ADAMTSL1: variants seen among roughly 807,000 people sequenced by gnomAD.
ADAMTSL1 encodes the protein ADAMTS-like protein 1.
In ADAMTSL1, 126 loss-of-function variants were observed where a neutral mutation model predicts 201.8. The observed-to-expected ratio is 0.62, with a 90% CI of 0.54 to 0.72. The LOEUF is 0.72. Ranked by LOEUF, ADAMTSL1 falls within the 30% of genes least tolerant of loss-of-function variation. The pLI, the probability that ADAMTSL1 is intolerant of heterozygous loss-of-function variation, is 0.00. For missense variants in ADAMTSL1, 2,679 were observed against 2,277.8 expected (o/e 1.18, Z -3.59); for synonymous variants, 1,121 against 903.4 (o/e 1.24, Z -4.32).
At chr9:18,325,985 C>T (rs1212485958) in intron 2 of ADAMTSL1, among the ~76,000 whole-genome samples, 1 of 152,150 alleles carries the variant, frequency 6.6e-6, no homozygotes, top group Admixed American at 6.5e-5. Flanking sequence ...AGGTGATCCA[C>T]CCACCTTGGG....
chr9:18,564,382 A>G (rs1056333542), intron 3 of ADAMTSL1, among the ~76,000 whole-genome samples: 1 of 152,008 alleles, frequency 6.6e-6, no homozygotes, highest in Non-Finnish European at 1.5e-5. Flanking sequence ...GGGGTACCTC[A>G]GTTGGAAATG....
intron 1 of ADAMTSL1, among the ~76,000 whole-genome samples, chr9:18,001,074 T>A (rs780170987): frequency 6.6e-6 from 1 of 151,820 alleles, no homozygotes; most frequent in Non-Finnish European, 1.5e-5. Flanking sequence ...AAAAAATGAA[T>A]GGGAATCAGG....
intron 2 of ADAMTSL1, among the ~76,000 whole-genome samples, chr9:18,225,167 A>G (rs144253754): frequency 1.3e-3 from 195 of 152,306 alleles, no homozygotes; most frequent in African/African-American, 4.6e-3. Context: ...TTAACCTCTC[A>G]AAAGCATTTT....
chr9:18,633,223 A>G (rs1025129478), intron 5 of ADAMTSL1, among the ~76,000 whole-genome samples: 3 of 152,168 alleles, frequency 2.0e-5, no homozygotes, highest in Non-Finnish European at 4.4e-5. Flanking sequence ...AGAAAGTCCC[A>G]TTGTTTTAAC....
At chr9:18,327,822 A>G (rs766536589) in intron 2 of ADAMTSL1, among the ~76,000 whole-genome samples, 1 of 152,246 alleles carries the variant, frequency 6.6e-6, no homozygotes, top group African/African-American at 2.4e-5. Flanking sequence ...AATGTTAGGC[A>G]GAAATATAGC....
chr9:18,570,985 A>T (rs1822259975), intron 3 of ADAMTSL1, among the ~76,000 whole-genome samples: 1 of 152,214 alleles, frequency 6.6e-6, no homozygotes, highest in South Asian at 2.1e-4. Context: ...AGATGTGTCT[A>T]AATGTGTTTA....
intron 26 of ADAMTSL1, among the ~76,000 whole-genome samples, chr9:18,904,482 A>G (rs1398849804): frequency 6.7e-6 from 1 of 149,526 alleles, no homozygotes; most frequent in African/African-American, 2.4e-5. Context: ...AGAAAAAAAA[A>G]GTTATTTTTA....
At chr9:18,444,215 A>G (rs1451184342) in intron 2 of ADAMTSL1, among the ~76,000 whole-genome samples, 2 of 152,190 alleles carry the variant, frequency 1.3e-5, no homozygotes, top group Non-Finnish European at 2.9e-5. Context: ...GTGAATGAGA[A>G]AAGAAAAAAT....
At chr9:18,354,224 G>C (rs1836109092) in intron 2 of ADAMTSL1, among the ~76,000 whole-genome samples, 1 of 151,492 alleles carries the variant, frequency 6.6e-6, no homozygotes. Flanking sequence ...TTGTATAAAT[G>C]TACCATAATT....
At chr9:18,583,585 C>T (rs1318239044) in intron 4 of ADAMTSL1, among the ~76,000 whole-genome samples, 1 of 152,200 alleles carries the variant, frequency 6.6e-6, no homozygotes, top group African/African-American at 2.4e-5. Flanking sequence ...GGGCCACCAT[C>T]CTCCAGACGC....
At chr9:18,657,586 C>A (rs1445757512) in intron 7 of ADAMTSL1, 53 bp from the exon 8 acceptor site, 17 of 1,391,730 alleles carry the variant, frequency 1.2e-5, no homozygotes, top group Non-Finnish European at 1.7e-5. Flanking sequence ...CTGCAAGGGA[C>A]CAGAAAGCAC....
Position 18,910,472 on chromosome 9 carries a change from G to A in ADAMTSL1, c.*1924G>A, listed in dbSNP as rs1830541417. 1.3e-5 allele frequency: 2 copies of A among 152,138 alleles called. No homozygotes were observed. Among genetic ancestry groups the A allele is most frequent in the Non-Finnish European group, 2.9e-5 (2 of 68,028 alleles). The allele number at this position is 152,138 out of a possible 1,614,324, so 9.4% of individuals were successfully genotyped here. On this transcript the variant is annotated 3_prime_UTR_variant, in exon 29 of 29. Coordinates refer to ENST00000380548, the MANE Select transcript of ADAMTSL1 (RefSeq NM_001040272.6). ...TATTATATTTTTCCTATTTTTAATAGAACCTGGTGTTTAACTCTGGATCCA... is the reference window on the plus strand; with the variant it reads ...TATTATATTTTTCCTATTTTTAATAAAACCTGGTGTTTAACTCTGGATCCA...
intron 14 of ADAMTSL1, among the ~76,000 whole-genome samples, chr9:18,710,229 T>G (rs1177666013): frequency 2.6e-5 from 4 of 152,200 alleles, no homozygotes; most frequent in Admixed American, 2.6e-4. Flanking sequence ...CATGCTGTGC[T>G]TAGAATGCCC....
At chr9:18,554,687 G>C (rs1018942494) in intron 3 of ADAMTSL1, among the ~76,000 whole-genome samples, 1 of 145,884 alleles carries the variant, frequency 6.9e-6, no homozygotes, top group African/African-American at 2.5e-5. Flanking sequence ...TTTTTATTTT[G>C]CTTGTTTGTT....
In ADAMTSL1 at chr9:18,431,014, C is replaced by T. The variant is rs559648397; in HGVS notation, c.208-73815C>T. The stretch of plus-strand genomic sequence containing the variant: ...GAAATGGTGCCAAACTGCCCAGATG[C>T]GTACACTAATCATTGAATGCCAGAG... On this transcript the variant is annotated intron_variant, in intron 2 of 29. Coordinates refer to the ADAMTSL1 transcript ENST00000680146. Among the ~76,000 whole-genome samples, 5 of 152,228 alleles carry T rather than the reference C, an allele frequency of 3.3e-5. No homozygotes were observed. The South Asian group carries it at 6.2e-4, about 19-fold the overall frequency.
chr9:18,901,093 A>G (rs962411732), intron 26 of ADAMTSL1, among the ~76,000 whole-genome samples: 3 of 151,892 alleles, frequency 2.0e-5, no homozygotes, highest in African/African-American at 7.3e-5. Context: ...TGCTGGTGCC[A>G]TGCTTCTTAT....
chr9:18,007,222 C>T (rs1819864747), intron 1 of ADAMTSL1, among the ~76,000 whole-genome samples: 1 of 152,014 alleles, frequency 6.6e-6, no homozygotes, highest in Non-Finnish European at 1.5e-5. Context: ...GCAGTAGCAC[C>T]TCATGGAACA....
intron 1 of ADAMTSL1, among the ~76,000 whole-genome samples, chr9:17,939,062 G>C (rs550094067): frequency 6.6e-6 from 1 of 152,056 alleles, no homozygotes; most frequent in Non-Finnish European, 1.5e-5. Context: ...ATATCCATTG[G>C]TTTTTTGCCA....
intron 16 of ADAMTSL1, among the ~76,000 whole-genome samples, chr9:18,765,521 A>T (rs930072993): frequency 2.6e-5 from 4 of 152,164 alleles, no homozygotes; most frequent in African/African-American, 9.7e-5. Flanking sequence ...AAAACACCAT[A>T]TACTCCCAGA....
Sources: allele counts gnomAD v4.1 joint callset (sites outside exome capture counted in the v4.1 genomes callset), GRCh38; gene constraint gnomAD v4.1.1; transcripts MANE v1.5; gene names NCBI Gene and HGNC (gene_info 2026-07-23, HGNC 2026-07-21).